The following EIF5B variants were observed in gnomAD, a reference collection of about 807,000 sequenced individuals.
EIF5B encodes eukaryotic translation initiation factor 5B, also known as eIF-5B.
In EIF5B, 47 loss-of-function variants were observed where a neutral mutation model predicts 147.5. That is an observed-to-expected ratio of 0.32 (90% CI 0.25 to 0.41). EIF5B has a LOEUF of 0.41. Ranked by LOEUF, EIF5B falls within the 10% of genes least tolerant of loss-of-function variation. EIF5B has a pLI of 1.00. For missense variants in EIF5B, 1,064 were observed against 1,413.2 expected (o/e 0.75, Z 3.96); for synonymous variants, 455 against 456.2 (o/e 1.00, Z 0.03).
chr2:99,369,055 C>T (rs1279896352), intron 7 of EIF5B, among the ~76,000 whole-genome samples: 2 of 152,174 alleles, frequency 1.3e-5, no homozygotes, highest in African/African-American at 4.8e-5. Context: ...GGCGGATCAC[C>T]TGAGGTCAGG....
At chr2:99,342,143 G>A (rs7608059) in intron 1 of EIF5B, among the ~76,000 whole-genome samples, 108 of 152,310 alleles carry the variant, frequency 7.1e-4, no homozygotes, top group African/African-American at 2.6e-3. Flanking sequence ...TCTTACAGGT[G>A]CTGAGAATGC....
rs143319133 is a variant in EIF5B, at chr2:99,373,790, A to G, written c.1552+2060A>G. Among the ~76,000 whole-genome samples, 591 of 152,148 alleles carry G rather than the reference A, an allele frequency of 3.9e-3. 6 individuals are homozygous for G. The highest frequency in any genetic ancestry group is 0.013 in the African/African-American group (560 of 41,512). On this transcript the variant is annotated intron_variant, in intron 9 of 23. Transcript: ENST00000289371. ...GCCTGGTTCTTTTTCTCTCCTTTCT[A>G]ATCATCTTTTGGTTACTAGGTTTTT...
intron 1 of EIF5B, among the ~76,000 whole-genome samples, chr2:99,343,671 G>A (rs553165215): frequency 4.8e-4 from 73 of 151,774 alleles, no homozygotes; most frequent in African/African-American, 1.5e-3. Context: ...AAAATTAGTC[G>A]GGTGTGGTAG....
chr2:99,347,190 A>G (rs2094275106), intron 1 of EIF5B, among the ~76,000 whole-genome samples: 1 of 151,880 alleles, frequency 6.6e-6, no homozygotes, highest in Non-Finnish European at 1.5e-5. Flanking sequence ...GATTTTTAGT[A>G]GAGATGAGGT....
intron 12 of EIF5B, among the ~76,000 whole-genome samples, chr2:99,379,756 C>T (rs905211242): frequency 4.6e-5 from 7 of 152,100 alleles, no homozygotes; most frequent in African/African-American, 1.7e-4. Flanking sequence ...CTACTCTTTT[C>T]CCCTTCTAAT....
intron 9 of EIF5B, 110 bp from the exon 10 acceptor site, chr2:99,376,237 G>A: frequency 1.5e-6 from 1 of 645,282 alleles, no homozygotes; most frequent in Non-Finnish European, 2.5e-6. Flanking sequence ...TTCTTGTAAT[G>A]TGGCTCAGGG....
intron 10 of EIF5B, 149 bp from the exon 11 acceptor site, chr2:99,378,870 C>T: frequency 3.4e-6 from 2 of 581,710 alleles, no homozygotes; most frequent in Admixed American, 7.3e-5. Context: ...GTAAAGTTCA[C>T]ATTATAAATT....
At chr2:99,365,055 G>T (rs1379811149) in intron 6 of EIF5B, among the ~76,000 whole-genome samples, 2 of 152,148 alleles carry the variant, frequency 1.3e-5, no homozygotes, top group Non-Finnish European at 2.9e-5. Context: ...GAAAGGTAAG[G>T]TGATTTAAAA....
Position 99,394,372 on chromosome 2 carries a change from G to C in EIF5B, c.2986G>C (p.Glu996Gln). The change falls in exon 19 of 24, where the codon GAA (glutamate) becomes CAA (glutamine). Residue 996 changes from glutamate to glutamine, a missense_variant. Around this residue, in one of 4 missense-constraint regions of EIF5B, gnomAD observed 380 missense variants for 715.6 expected, o/e 0.53. Coordinates refer to ENST00000289371, the MANE Select transcript of EIF5B (RefSeq NM_015904.4). ...ACTGGGTTCTTTGGAAGCTCTACTG[G>C]AATTTCTGAAAACATCAGAAGTGCC... ...STLGSLEALL[E>Q]FLKTSEVPYA... 1.2e-6 allele frequency: 2 copies of C among 1,613,972 alleles called. No individual in the cohort carries two copies. The highest frequency in any genetic ancestry group is 1.7e-6 in the Non-Finnish European group (2 of 1,179,984).
At chr2:99,338,614 AGAC>A (rs943071710) in intron 1 of EIF5B, among the ~76,000 whole-genome samples, 3 of 152,228 alleles carry the variant, frequency 2.0e-5, no homozygotes, top group African/African-American at 7.2e-5. Context: ...TAGAATTAAA[AGAC>A]AACAAAGATA....
At position 99,389,768 on chromosome 2, in the gene EIF5B, T is replaced by C. The variant is rs1315670807; in HGVS notation, c.2322T>C (p.Ala774=). The change falls in exon 15 of 24, where the codon GCT becomes GCC. Residue 774 remains alanine, a synonymous_variant. Coordinates refer to ENST00000289371, the MANE Select transcript of EIF5B (RefSeq NM_015904.4). Reference sequence around the variant, plus strand: ...AGAGTCCTGACTCTGATGTGGCTGCTACTTTAAAGAAGCAGAAAAAGAATA... The same window carrying C: ...AGAGTCCTGACTCTGATGTGGCTGCCACTTTAAAGAAGCAGAAAAAGAATA... ...WKKSPDSDVA[A]TLKKQKKNTK... The C allele has an allele frequency of 6.2e-7, 1 of 1,613,232 alleles. No homozygotes were observed. The highest frequency in any genetic ancestry group is 1.3e-5 in the African/African-American group (1 of 74,892).
Position 99,393,047 on chromosome 2 carries a change from T to C in EIF5B, c.2829T>C (p.Ala943=). 1 of 1,591,162 alleles carries C rather than the reference T, an allele frequency of 6.3e-7. No homozygotes were observed. Among genetic ancestry groups the C allele is most frequent in the South Asian group, 1.1e-5 (1 of 87,008 alleles). Residue 943 remains alanine, a synonymous_variant, in exon 18 of 24, where the codon GCT becomes GCC. Transcript: ENST00000289371. ...ILGKDLEKTL[A]GLPLLVAYKE... is the part of the protein sequence containing the mutation. ...GAAAAGACCTGGAGAAAACATTGGC[T>C]GGTTTACCCCTCCTTGTGGCTTATA...
intron 6 of EIF5B, among the ~76,000 whole-genome samples, chr2:99,364,803 TAAAA>T (rs1426264432): frequency 6.6e-6 from 1 of 152,080 alleles, no homozygotes; most frequent in Non-Finnish European, 1.5e-5. Flanking sequence ...TCCCAAAAAA[TAAAA>T]AAGAAATACA....
chr2:99,339,459 G>GT (rs991030955), intron 1 of EIF5B, among the ~76,000 whole-genome samples: 28 of 150,766 alleles, frequency 1.9e-4, no homozygotes, highest in African/African-American at 5.1e-4. Flanking sequence ...TCTTATTACA[G>GT]TTTTTTTTTC....
At chr2:99,337,971 C>T (rs868259133) in intron 1 of EIF5B, among the ~76,000 whole-genome samples, 1 of 152,226 alleles carries the variant, frequency 6.6e-6, no homozygotes, top group Non-Finnish European at 1.5e-5. Flanking sequence ...CCTCTTATAC[C>T]TGTGAGTACT....
intron 17 of EIF5B, among the ~76,000 whole-genome samples, chr2:99,392,465 CAAAT>C (rs776300616): frequency 4.6e-5 from 7 of 152,168 alleles, no homozygotes; most frequent in Admixed American, 2.0e-4. Flanking sequence ...GTGGGTGTAA[CAAAT>C]TATATTCTCA....
chr2:99,385,154 C>T (rs1333372952), intron 14 of EIF5B, among the ~76,000 whole-genome samples: 1 of 152,144 alleles, frequency 6.6e-6, no homozygotes, highest in Admixed American at 6.5e-5. Context: ...TCAAGCGATT[C>T]TCCTGCCTCA....
At chr2:99,344,163 G>T (rs1165406415) in intron 1 of EIF5B, among the ~76,000 whole-genome samples, 1 of 151,828 alleles carries the variant, frequency 6.6e-6, no homozygotes, top group Admixed American at 6.6e-5. Context: ...CTCGTTATCC[G>T]CCCGCCTCGG....
At chr2:99,346,192 G>C (rs1331200168) in intron 1 of EIF5B, among the ~76,000 whole-genome samples, 1 of 152,072 alleles carries the variant, frequency 6.6e-6, no homozygotes, top group Non-Finnish European at 1.5e-5. Flanking sequence ...CAGATTGGAA[G>C]GAATGGGAGT....
Sources: allele counts gnomAD v4.1 joint callset (sites outside exome capture counted in the v4.1 genomes callset), GRCh38; gene constraint gnomAD v4.1.1; regional missense constraint gnomAD v4.1.1; transcripts MANE v1.5; gene names NCBI Gene and HGNC (gene_info 2026-07-23, HGNC 2026-07-21).